Variants in NRDC observed in about 807,000 individuals in gnomAD.
NRDC encodes the protein nardilysin.
NRDC carries 54 observed loss-of-function variants against 147.1 expected under a neutral mutation model. That is an observed-to-expected ratio of 0.37 (90% CI 0.29 to 0.46). The LOEUF is 0.46. Among genes scored for constraint, NRDC ranks in the 20% least tolerant of loss-of-function variants. NRDC has a pLI of 1.00. For synonymous variants in NRDC, 440 were observed against 482.1 expected, an observed-to-expected ratio of 0.91 and a Z score of 1.14; for missense variants, 1,082 against 1,370.6, an observed-to-expected ratio of 0.79 and a Z score of 3.33.
At chr1:51,850,609 C>T (rs72901919) in intron 1 of NRDC, among the ~76,000 whole-genome samples, 3,957 of 152,280 alleles carry the variant, frequency 0.026, 119 homozygotes, top group South Asian at 0.095. Flanking sequence ...CCAAGGAAGT[C>T]AGAGTCATGA....
chr1:51,793,286 C>T (rs1458213063), intron 24 of NRDC, among the ~76,000 whole-genome samples: 4 of 152,170 alleles, frequency 2.6e-5, no homozygotes, highest in Non-Finnish European at 4.4e-5. Flanking sequence ...ATGAGTACTC[C>T]TGTACCGGGG....
At chr1:51,849,341 G>A (rs1211324517) in intron 1 of NRDC, among the ~76,000 whole-genome samples, 2 of 151,886 alleles carry the variant, frequency 1.3e-5, no homozygotes, top group African/African-American at 4.8e-5. Flanking sequence ...CGTGAACTCG[G>A]GAGGCGGAGC....
chr1:51,821,504 G>T lies in NRDC; in HGVS notation c.1211C>A (p.Pro404Gln). The change falls in exon 8 of 31, where the codon CCA (proline) becomes CAA (glutamine). Residue 404 changes from proline to glutamine, a missense_variant. This residue lies in a region of NRDC where 635 missense variants were observed against 923.8 expected (regional missense o/e 0.69). Coordinates refer to ENST00000352171, the MANE Select transcript of NRDC (RefSeq NM_001101662.2). The part of the protein sequence containing the change: ...KWVTEIFSQI[P>Q]NNGLPRPNFG... The stretch of plus-strand genomic sequence containing the variant: ...ATGAAAATAAATATCTTACTTGTTT[G>T]GTATCTGAGAGAAGATTTCAGTCAC... 6.3e-7 allele frequency: 1 copy of T among 1,592,854 alleles called. No individual in the cohort carries two copies.
Position 51,828,007 on chromosome 1 carries a change from T to G in NRDC, c.867-138A>C, listed in dbSNP as rs1299832568. On this transcript the variant is annotated intron_variant, in intron 4 of 30. Transcript: ENST00000352171. ...ATATAAAATCTAAATAATCTGCATT[T>G]CTATATTTTAAACTAATATCTACAT... 6 of 667,058 alleles carry G rather than the reference T, an allele frequency of 9.0e-6. No individual in the cohort carries two copies. The African/African-American group carries it at 9.1e-5, about 10-fold the overall frequency. The allele number at this position is 667,058 out of a possible 1,614,324, so 41.3% of individuals were successfully genotyped here.
intron 29 of NRDC, among the ~76,000 whole-genome samples, chr1:51,790,122 G>C (rs1678528178): frequency 6.6e-6 from 1 of 152,200 alleles, no homozygotes; most frequent in South Asian, 2.1e-4. Flanking sequence ...AGTCACACTG[G>C]AGTACAAGAT....
intron 6 of NRDC, 70 bp from the exon 7 acceptor site, chr1:51,823,856 T>C (rs977933397): frequency 7.5e-6 from 8 of 1,069,638 alleles, no homozygotes; most frequent in Non-Finnish European, 1.1e-5. Context: ...ACATCATCAA[T>C]GCATATTTTG....
Position 51,791,571 on chromosome 1 carries a change from C to T in NRDC, c.2960+7G>A, listed in dbSNP as rs1464255415. On this transcript the variant is annotated splice_region_variant and intron_variant, in intron 27 of 30. Transcript: ENST00000352171. ...GGTTACACTCATCTATTCACTCACT[C>T]ACTCACTTGTATTTGGTTGCCTGAG... The T allele has an allele frequency of 1.2e-6, 2 of 1,603,354 alleles. No homozygotes were observed. Among genetic ancestry groups the T allele is most frequent in the Admixed American group, 1.7e-5 (1 of 60,000 alleles).
At chr1:51,836,264 T>C (rs1322908249) in intron 2 of NRDC, 52 bp from the exon 3 acceptor site, 4 of 1,583,630 alleles carry the variant, frequency 2.5e-6, no homozygotes, top group Admixed American at 1.7e-5. Flanking sequence ...AAAGGAATAA[T>C]ATTCGCATCT....
At chr1:51,877,592 G>A (rs571749410) in intron 1 of NRDC, among the ~76,000 whole-genome samples, 26 of 152,234 alleles carry the variant, frequency 1.7e-4, no homozygotes, top group African/African-American at 6.0e-4. Flanking sequence ...CTCAGGTGGG[G>A]ACTGAATCAC....
At chr1:51,877,648 G>A (rs1000178492) in intron 1 of NRDC, among the ~76,000 whole-genome samples, 2 of 152,160 alleles carry the variant, frequency 1.3e-5, no homozygotes, top group African/African-American at 4.8e-5. Flanking sequence ...ACCAAAAGTA[G>A]AGAATTTCAA....
At chr1:51,810,938 T>C (rs1198746073) in intron 15 of NRDC, among the ~76,000 whole-genome samples, 1 of 152,238 alleles carries the variant, frequency 6.6e-6, no homozygotes, top group Non-Finnish European at 1.5e-5. Context: ...AACAGCTATG[T>C]TTTGTATCAC....
Position 51,878,569 on chromosome 1 carries a change from T to C in NRDC, c.47A>G (p.Lys16Arg), listed in dbSNP as rs1344750992. The C allele has an allele frequency of 8.7e-6, 14 of 1,613,166 alleles. No individual in the cohort carries two copies. The stretch of plus-strand genomic sequence containing the variant: ...GAGCTCCCGCCCGGCCTCACACAAC[T>C]TCCTCCGGGTGGCACAGACTGCAGC... The part of the protein sequence containing the change: ...TVAAVCATRR[K>R]LCEAGRELAA... Residue 16 changes from lysine to arginine, a missense_variant, in exon 1 of 31, where the codon AAG (lysine) becomes AGG (arginine). By Grantham distance (26) the Lys-to-Arg change is conservative (BLOSUM62 2). Around this residue, in one of 3 missense-constraint regions of NRDC, gnomAD observed 260 missense variants for 253.2 expected, o/e 1.03. Transcript: ENST00000352171.
At chr1:51,845,316 G>A (rs1681499205) in intron 1 of NRDC, among the ~76,000 whole-genome samples, 1 of 152,150 alleles carries the variant, frequency 6.6e-6, no homozygotes, top group Non-Finnish European at 1.5e-5. Context: ...TTTTGGCCCG[G>A]CCGCAGTGGC....
chr1:51,834,394 G>A (rs1164054150), intron 3 of NRDC, among the ~76,000 whole-genome samples: 1 of 151,944 alleles, frequency 6.6e-6, no homozygotes, highest in Non-Finnish European at 1.5e-5. Context: ...TGCCTCCTGG[G>A]TTCAAGTGAT....
At chr1:51,867,001 GTCTC>G (rs761258292) in intron 1 of NRDC, among the ~76,000 whole-genome samples, 3 of 152,034 alleles carry the variant, frequency 2.0e-5, no homozygotes, top group Non-Finnish European at 2.9e-5. Flanking sequence ...CAAAGACAGA[GTCTC>G]AGTCTGTCGC....
intron 1 of NRDC, among the ~76,000 whole-genome samples, chr1:51,846,669 G>A (rs150826951): frequency 5.3e-5 from 8 of 152,306 alleles, no homozygotes; most frequent in South Asian, 2.1e-4. Context: ...GCTCATAAAG[G>A]TAGTGAGAAC....
In NRDC at chr1:51,792,434, G is replaced by A; in HGVS notation, c.2776-10C>T. 2 of 1,613,864 alleles carry A rather than the reference G, an allele frequency of 1.2e-6. No homozygotes were observed. The highest frequency in any genetic ancestry group is 8.5e-7 in the Non-Finnish European group (1 of 1,179,752). On this transcript the variant is annotated splice_polypyrimidine_tract_variant and intron_variant, in intron 24 of 30. Coordinates refer to ENST00000352171, the MANE Select transcript of NRDC (RefSeq NM_001101662.2). ...GACTCCTGGTACCTGACTGAAAAGA[G>A]AAGGTTGTCAGGCCAACTGAATATC... is the stretch of plus-strand genomic sequence containing the variant.
Position 51,789,812 on chromosome 1 carries a change from G to A in NRDC, c.3169-155C>T, listed in dbSNP as rs887159165. ...TACCCCTAACCTTCCAGACCAAAAC[G>A]ATGATGAAGCTCTCTGGCATGCCTT... On this transcript the variant is annotated intron_variant, in intron 29 of 30. Transcript: ENST00000352171. The A allele has an allele frequency of 6.5e-6, 4 of 612,590 alleles. No homozygotes were observed. The African/African-American group carries it at 7.4e-5, about 11-fold the overall frequency. 37.9% of individuals were successfully genotyped at this position (612,590 alleles called of 1,614,324 possible).
intron 1 of NRDC, among the ~76,000 whole-genome samples, chr1:51,846,605 G>A (rs147279495): frequency 5.3e-5 from 8 of 152,198 alleles, no homozygotes; most frequent in Non-Finnish European, 8.8e-5. Flanking sequence ...CTGTGGGTTC[G>A]TACTCTCGCT....
Sources: allele counts gnomAD v4.1 joint callset (sites outside exome capture counted in the v4.1 genomes callset), GRCh38; gene constraint gnomAD v4.1.1; regional missense constraint gnomAD v4.1.1; transcripts MANE v1.5; gene names NCBI Gene and HGNC (gene_info 2026-07-23, HGNC 2026-07-21).